EPN1: variants seen among roughly 807,000 people sequenced by gnomAD.
EPN1 encodes epsin 1.
In EPN1, 25 loss-of-function variants were observed where a neutral mutation model predicts 56.9. That is an observed-to-expected ratio of 0.44 (90% CI 0.32 to 0.61). The LOEUF is 0.61. Among genes scored for constraint, EPN1 ranks in the 20% least tolerant of loss-of-function variants. The pLI is 0.05. For synonymous variants in EPN1, 411 were observed against 361.8 expected (o/e 1.14, Z -1.54); for missense variants, 785 against 823.7 (o/e 0.95, Z 0.58).
rs201279708 is a variant in EPN1 at position 55,700,270 on chromosome 19, CTTA to C, written c.*4926_*4928del. On this transcript the variant is annotated 3_prime_UTR_variant, in exon 11 of 11. Transcript: ENST00000270460. ...GCTCCATAAATACAAACTTCCTTTC[CTTA>C]TTATTATTATTTATTTTTTTTTTGA... 0.017 allele frequency: 2,511 copies of C among 147,052 alleles called. 41 individuals are homozygous for C. The highest frequency in any genetic ancestry group is 0.026 in the Non-Finnish European group (1,729 of 67,514). The allele number at this position is 147,052 out of a possible 1,614,324, so 9.1% of individuals were successfully genotyped here.
At chr19:55,690,643 C>T (rs1393905351) in intron 6 of EPN1, among the ~76,000 whole-genome samples, 1 of 152,222 alleles carries the variant, frequency 6.6e-6, no homozygotes, top group Non-Finnish European at 1.5e-5. Context: ...ACAGTAGCTG[C>T]TGCTGCTGCC....
Position 55,708,833 on chromosome 19 carries a change from C to G in EPN1, c.*13477C>G. 1 of 972,506 alleles carries G rather than the reference C, an allele frequency of 1.0e-6. No homozygotes were observed. The highest frequency in any genetic ancestry group is 1.5e-6 in the Non-Finnish European group (1 of 674,022). The allele number at this position is 972,506 out of a possible 1,614,324, so 60.2% of individuals were successfully genotyped here. ...GCCCTGCTGCCATGATGTGCAATTA[C>G]AGGATAGAGGTGCCAGGTGAAGGTC... On this transcript the variant is annotated 3_prime_UTR_variant, in exon 11 of 11. Transcript: ENST00000270460.
chr19:55,682,183 A>C (rs1312433146), intron 2 of EPN1, among the ~76,000 whole-genome samples: 2 of 152,240 alleles, frequency 1.3e-5, no homozygotes. Flanking sequence ...AATGTATAAC[A>C]CAGCTGTTAC....
In EPN1 at chr19:55,706,889, A is replaced by C. The variant is rs964418789; in HGVS notation, c.*11533A>C. The C allele has an allele frequency of 3.3e-5, 5 of 151,918 alleles. No homozygotes were observed. The highest frequency in any genetic ancestry group is 1.2e-4 in the African/African-American group (5 of 41,334). 9.4% of individuals were successfully genotyped at this position (151,918 alleles called of 1,614,324 possible). A position where few individuals can be genotyped will look rare whatever the true frequency, so the allele number is the denominator to read the frequency against. On this transcript the variant is annotated 3_prime_UTR_variant, in exon 11 of 11. Coordinates refer to ENST00000270460, the MANE Select transcript of EPN1 (RefSeq NM_001130072.2). ...CCCCGTCTATACTAAAAAATATTTAAATGGGCTGAGCGCGGTGGCTCAGGC... is the reference window on the plus strand; with the variant it reads ...CCCCGTCTATACTAAAAAATATTTACATGGGCTGAGCGCGGTGGCTCAGGC...
intron 1 of EPN1, chr19:55,677,068 G>A (rs1373451291): frequency 1.3e-6 from 2 of 1,523,556 alleles, no homozygotes; most frequent in African/African-American, 1.4e-5. Flanking sequence ...CTGGCCTGAG[G>A]TGGAAGCAGA....
chr19:55,692,001 C>T lies in EPN1; in HGVS notation c.1010C>T (p.Thr337Ile). 1 of 1,482,234 alleles carries T rather than the reference C, an allele frequency of 6.7e-7. No individual in the cohort carries two copies. Among genetic ancestry groups the T allele is most frequent in the East Asian group, 2.4e-5 (1 of 41,896 alleles). The allele number at this position is 1,482,234 out of a possible 1,614,324, so 91.8% of individuals were successfully genotyped here. The change falls in exon 7 of 11, where the codon ACC (threonine) becomes ATC (isoleucine). Residue 337 changes from threonine to isoleucine, a missense_variant. Coordinates refer to ENST00000270460, the MANE Select transcript of EPN1 (RefSeq NM_001130072.2). ...AGPSVDPWGG[T>I]PAPAAGEGPT... ...CCCTCAGTTGACCCTTGGGGTGGGA[C>T]CCCAGCCCCTGCAGCTGGGGAGGGG... is the stretch of plus-strand genomic sequence containing the variant.
intron 3 of EPN1, among the ~76,000 whole-genome samples, chr19:55,686,788 G>T (rs1986196805): frequency 2.0e-5 from 3 of 152,074 alleles, no homozygotes; most frequent in African/African-American, 7.2e-5. Flanking sequence ...GCAGAGAGGG[G>T]CTGGTCAGCT....
chr19:55,687,467 G>C (rs1357222876), intron 3 of EPN1, among the ~76,000 whole-genome samples: 1 of 152,126 alleles, frequency 6.6e-6, no homozygotes, highest in African/African-American at 2.4e-5. Context: ...CAGGGCTGCT[G>C]GGCATTGGAT....
intron 1 of EPN1, chr19:55,676,904 T>C (rs1985472318): frequency 2.6e-6 from 1 of 380,930 alleles, no homozygotes; most frequent in Admixed American, 4.3e-5. Context: ...TCTATGTGTC[T>C]CTTTCTGTCA....
intron 1 of EPN1, chr19:55,677,487 C>A: frequency 2.1e-6 from 2 of 948,944 alleles, no homozygotes; most frequent in Non-Finnish European, 3.2e-6. Context: ...TCAGGTGGGC[C>A]TCGGGTTGAG....
At chr19:55,692,493 G>T (rs1181179281) in intron 7 of EPN1, among the ~76,000 whole-genome samples, 193 bp from the exon 8 acceptor site, 1 of 151,880 alleles carries the variant, frequency 6.6e-6, no homozygotes, top group Non-Finnish European at 1.5e-5. Context: ...CCCCAGCTGG[G>T]GTCCCAGGGG....
Position 55,705,713 on chromosome 19 carries a change from A to C in EPN1, c.*10357A>C, listed in dbSNP as rs1468985603. ...GTTAATAAAGGCCAAAGGTAGAGAA[A>C]ATCTTGAAAGTATCGAGAAAATGAC... On this transcript the variant is annotated 3_prime_UTR_variant, in exon 11 of 11. Coordinates refer to ENST00000270460, the MANE Select transcript of EPN1 (RefSeq NM_001130072.2). 3 of 151,724 alleles carry C rather than the reference A, an allele frequency of 2.0e-5. No homozygotes were observed. Among genetic ancestry groups the C allele is most frequent in the African/African-American group, 7.3e-5 (3 of 41,204 alleles). 9.4% of individuals were successfully genotyped at this position (151,724 alleles called of 1,614,324 possible). A position where few individuals can be genotyped will look rare whatever the true frequency, so the allele number is the denominator to read the frequency against.
chr19:55,689,134 T>G lies in EPN1; in HGVS notation c.603+140T>G. The G allele has an allele frequency of 7.7e-7, 1 of 1,293,662 alleles. No individual in the cohort carries two copies. The highest frequency in any genetic ancestry group is 2.5e-5 in the East Asian group (1 of 39,384). The allele number at this position is 1,293,662 out of a possible 1,614,324, so 80.1% of individuals were successfully genotyped here. The stretch of plus-strand genomic sequence containing the variant: ...CACTCGTCTCCTCCCCAGTCCTGCC[T>G]CATCCTCACCCCGCCGTCCCTCTGC... On this transcript the variant is annotated intron_variant, in intron 4 of 10. Coordinates refer to ENST00000270460, the MANE Select transcript of EPN1 (RefSeq NM_001130072.2). The surrounding 1 kb of genome is among the most constrained non-coding windows in gnomAD (Gnocchi z 5.7).
At position 55,689,111 on chromosome 19, in the gene EPN1, C is replaced by T. The variant is rs934310840; in HGVS notation, c.603+117C>T. On this transcript the variant is annotated intron_variant, in intron 4 of 10. Transcript: ENST00000270460. The surrounding 1 kb of genome is among the most constrained non-coding windows in gnomAD (Gnocchi z 5.7). Reference sequence around the variant, plus strand: ...ACTGTCGCTGCTCCACATGCTGTCACTCGTCTCCTCCCCAGTCCTGCCTCA... The same window carrying T: ...ACTGTCGCTGCTCCACATGCTGTCATTCGTCTCCTCCCCAGTCCTGCCTCA... The T allele has an allele frequency of 2.2e-6, 3 of 1,378,528 alleles. No homozygotes were observed. Among genetic ancestry groups the T allele is most frequent in the Non-Finnish European group, 2.9e-6 (3 of 1,031,922 alleles). 85.4% of individuals were successfully genotyped at this position (1,378,528 alleles called of 1,614,324 possible). A position where few individuals can be genotyped will look rare whatever the true frequency, so the allele number is the denominator to read the frequency against.
rs1424643867 is a variant in EPN1, at chr19:55,707,496, T to C, written c.*12140T>C. The C allele has an allele frequency of 1.3e-5, 2 of 152,944 alleles. No homozygotes were observed. The highest frequency in any genetic ancestry group is 4.8e-5 in the African/African-American group (2 of 41,464). 9.5% of individuals were successfully genotyped at this position (152,944 alleles called of 1,614,324 possible). Reference sequence around the variant, plus strand: ...GGTAAAGGAAAGACCAAAATAACTTTCCAAGATGAAAAGCTAAGAGTGCTG... The same window carrying C: ...GGTAAAGGAAAGACCAAAATAACTTCCCAAGATGAAAAGCTAAGAGTGCTG... On this transcript the variant is annotated 3_prime_UTR_variant, in exon 11 of 11. Coordinates refer to ENST00000270460, the MANE Select transcript of EPN1 (RefSeq NM_001130072.2).
At chr19:55,693,349 A>T (rs1986704606) in intron 9 of EPN1, 4 of 347,730 alleles carry the variant, frequency 1.2e-5, no homozygotes, top group African/African-American at 8.3e-5. Context: ...CAGGTGTCTC[A>T]AAGAACACGG....
Position 55,688,901 on chromosome 19 carries a change from T to G in EPN1, c.510T>G (p.Pro170=), listed in dbSNP as rs765960736. The G allele has an allele frequency of 6.3e-7, 1 of 1,581,580 alleles. No homozygotes were observed. The highest frequency in any genetic ancestry group is 1.2e-5 in the South Asian group (1 of 86,434). Residue 170 remains proline, a synonymous_variant, in exon 4 of 11, where the codon CCT becomes CCG. Transcript: ENST00000270460. ...ASSAAVGSGP[P]PEAEQAWPQS... is the part of the protein sequence containing the mutation. Reference sequence around the variant, plus strand: ...CAGCAGCTGTGGGCTCAGGCCCCCCTCCCGAGGCGGAGCAGGCGTGGCCGC... The same window carrying G: ...CAGCAGCTGTGGGCTCAGGCCCCCCGCCCGAGGCGGAGCAGGCGTGGCCGC...
At position 55,689,285 on chromosome 19, in the gene EPN1, T is replaced by A. The variant is rs1165680426; in HGVS notation, c.604-12T>A. The A allele has an allele frequency of 6.5e-7, 1 of 1,541,290 alleles. No individual in the cohort carries two copies. Among genetic ancestry groups the A allele is most frequent in the Non-Finnish European group, 8.8e-7 (1 of 1,140,378 alleles). ...CCCTCCCGTCATGCCCCTCACACTC[T>A]CTCTCCCCCAGCCCCCGTCCTGCGG... is the stretch of plus-strand genomic sequence containing the variant. On this transcript the variant is annotated splice_polypyrimidine_tract_variant and intron_variant, in intron 4 of 10. Coordinates refer to ENST00000270460, the MANE Select transcript of EPN1 (RefSeq NM_001130072.2). The surrounding 1 kb of genome is among the most constrained non-coding windows in gnomAD (Gnocchi z 5.7).
In EPN1 at chr19:55,702,749, GCATTTATTCGTT is replaced by G. The variant is rs922991492; in HGVS notation, c.*7397_*7408del. ...TTGATTTCAGGTAGAATGGGTGAAT[GCATTTATTCGTT>G]CATCTAAGCCGCATTTACTCCTTTC... On this transcript the variant is annotated 3_prime_UTR_variant, in exon 11 of 11. Coordinates refer to ENST00000270460, the MANE Select transcript of EPN1 (RefSeq NM_001130072.2). The G allele has an allele frequency of 1.3e-5, 2 of 152,082 alleles. No individual in the cohort carries two copies. Among genetic ancestry groups the G allele is most frequent in the African/African-American group, 2.4e-5 (1 of 41,416 alleles). 9.4% of individuals were successfully genotyped at this position (152,082 alleles called of 1,614,324 possible). A position where few individuals can be genotyped will look rare whatever the true frequency, so the allele number is the denominator to read the frequency against.
Sources: allele counts gnomAD v4.1 joint callset (sites outside exome capture counted in the v4.1 genomes callset), GRCh38; gene constraint gnomAD v4.1.1; non-coding constraint Gnocchi (gnomAD v3.1); transcripts MANE v1.5; gene names NCBI Gene and HGNC (gene_info 2026-07-23, HGNC 2026-07-21).